GRB10: variants seen among roughly 807,000 people sequenced by gnomAD.
The protein encoded by GRB10 is growth factor receptor bound protein 10, also known as growth factor receptor-bound protein 10.
Under a neutral mutation model 80.9 loss-of-function variants are expected in GRB10, and 20 were observed. The ratio of observed to expected loss-of-function variants is 0.25; its 90% confidence interval spans 0.17 to 0.36. The LOEUF (loss-of-function observed/expected upper bound fraction) is 0.36. Ranked by LOEUF, GRB10 falls within the 10% of genes least tolerant of loss-of-function variation. The pLI, the probability that GRB10 is intolerant of heterozygous loss-of-function variation, is 1.00. For missense variants in GRB10, 548 were observed against 747.7 expected, an observed-to-expected ratio of 0.73 and a Z score of 3.12; for synonymous variants, 291 against 291.5, an observed-to-expected ratio of 1.00 and a Z score of 0.02.
chr7:50,668,326 G>C (rs1318435708), intron 7 of GRB10, among the ~76,000 whole-genome samples: 2 of 151,746 alleles, frequency 1.3e-5, no homozygotes, highest in Non-Finnish European at 2.9e-5. Context: ...AGGGAAGTGA[G>C]AGCAAGTAGG....
intron 16 of GRB10, 81 bp downstream of exon 16, chr7:50,604,230 C>T (rs544018533): frequency 1.5e-5 from 20 of 1,360,258 alleles, no homozygotes; most frequent in Middle Eastern, 1.9e-4. Context: ...CAGGCAAATT[C>T]GTAAGGCTGA....
chr7:50,603,963 G>A (rs1482142635), intron 17 of GRB10, 35 bp downstream of exon 17: 2 of 1,444,388 alleles, frequency 1.4e-6, no homozygotes, highest in Non-Finnish European at 2.0e-6. Flanking sequence ...TAAAACCTTA[G>A]CAGATGACAG....
chr7:50,741,838 T>C (rs1455686162), intron 3 of GRB10, among the ~76,000 whole-genome samples: 2 of 152,036 alleles, frequency 1.3e-5, no homozygotes, highest in African/African-American at 4.8e-5. Context: ...AAGCAAAGCA[T>C]GACAAAATTG....
intron 4 of GRB10, among the ~76,000 whole-genome samples, chr7:50,722,297 G>T (rs957649431): frequency 6.6e-6 from 1 of 152,184 alleles, no homozygotes; most frequent in Non-Finnish European, 1.5e-5. Flanking sequence ...GTCATTCCAA[G>T]ATCCAAAGCG....
At chr7:50,729,837 G>A (rs531892053) in intron 4 of GRB10, among the ~76,000 whole-genome samples, 9 of 151,008 alleles carry the variant, frequency 6.0e-5, no homozygotes, top group African/African-American at 1.9e-4. Context: ...TTCCATGTCT[G>A]TCTCCTCCAC....
intron 7 of GRB10, among the ~76,000 whole-genome samples, chr7:50,666,491 T>G (rs2059816287): frequency 6.6e-6 from 1 of 152,194 alleles, no homozygotes; most frequent in South Asian, 2.1e-4. Context: ...GGCACTGAGC[T>G]TGTATCTTAC....
chr7:50,733,063 G>A (rs2070160286), intron 3 of GRB10, among the ~76,000 whole-genome samples: 2 of 152,236 alleles, frequency 1.3e-5, no homozygotes, highest in African/African-American at 2.4e-5. Context: ...GAATGTGACT[G>A]TATTTGGAAG....
At chr7:50,713,237 G>T (rs1437835130) in intron 4 of GRB10, among the ~76,000 whole-genome samples, 1 of 152,026 alleles carries the variant, frequency 6.6e-6, no homozygotes, top group Non-Finnish European at 1.5e-5. Flanking sequence ...AATCTCAGCT[G>T]CTATTTTTAC....
At chr7:50,629,434 A>G (rs1373174797) in intron 7 of GRB10, among the ~76,000 whole-genome samples, 2 of 152,072 alleles carry the variant, frequency 1.3e-5, no homozygotes, top group Admixed American at 6.6e-5. Flanking sequence ...GGCTGGCGAG[A>G]CCCTGAGGGG....
At chr7:50,626,704 T>G in intron 8 of GRB10, 118 bp downstream of exon 8, 1 of 1,137,336 alleles carries the variant, frequency 8.8e-7, no homozygotes, top group Non-Finnish European at 1.3e-6. Flanking sequence ...ACCCAGAGAC[T>G]GCCTGCTAAT....
At chr7:50,674,363 C>G (rs1563388536) in intron 6 of GRB10, 73 bp downstream of exon 6, 4 of 1,429,736 alleles carry the variant, frequency 2.8e-6, no homozygotes, top group Non-Finnish European at 3.9e-6. Context: ...CACCATTTAA[C>G]TCACAGAGAG....
chr7:50,770,153 G>T (rs374048410), intron 2 of GRB10, among the ~76,000 whole-genome samples: 4 of 152,322 alleles, frequency 2.6e-5, no homozygotes, highest in African/African-American at 9.6e-5. Flanking sequence ...TCAGGCGACT[G>T]AAGCTAATCA....
At chr7:50,774,726 A>G (rs2153710780) in intron 2 of GRB10, among the ~76,000 whole-genome samples, 1 of 152,318 alleles carries the variant, frequency 6.6e-6, no homozygotes, top group Non-Finnish European at 1.5e-5. Context: ...CACATACAAA[A>G]TACATTCATT....
intron 13 of GRB10, 186 bp from the exon 14 acceptor site, chr7:50,606,600 G>A (rs1444195929): frequency 1.6e-6 from 1 of 617,216 alleles, no homozygotes; most frequent in Non-Finnish European, 2.9e-6. Context: ...GACGCCCCTT[G>A]AAATAAAAAA....
chr7:50,674,444 G>A lies in GRB10; in HGVS notation c.354C>T (p.Leu118=), dbSNP rs752056748. 2.0e-4 allele frequency: 316 copies of A among 1,604,524 alleles called. 1 individual carries two copies. Among genetic ancestry groups the A allele is most frequent in the Non-Finnish European group, 2.5e-4 (297 of 1,179,956 alleles). ...ATAAGGCCTGGACCTACCTGACAGC[G>A]AGGATGTGCACAGGCTGGGAGCGCT... The part of the protein sequence containing the change: ...RVQRSQPVHI[L]AVRRLQEEDQ... The change falls in exon 6 of 19, where the codon CTC becomes CTT. Residue 118 remains leucine, a synonymous_variant. Transcript: ENST00000401949.
intron 8 of GRB10, among the ~76,000 whole-genome samples, chr7:50,625,770 G>A (rs2052764226): frequency 6.6e-6 from 1 of 152,182 alleles, no homozygotes; most frequent in African/African-American, 2.4e-5. Context: ...AAAGTACAGG[G>A]CGCATTAGAA....
At chr7:50,597,617 G>T (rs2046892655) in intron 17 of GRB10, among the ~76,000 whole-genome samples, 1 of 152,264 alleles carries the variant, frequency 6.6e-6, no homozygotes, top group South Asian at 2.1e-4. Flanking sequence ...CATGGCCCAG[G>T]CCTGTTTACC....
intron 7 of GRB10, among the ~76,000 whole-genome samples, chr7:50,634,589 G>A (rs927333217): frequency 6.6e-6 from 1 of 152,052 alleles, no homozygotes; most frequent in African/African-American, 2.4e-5. Flanking sequence ...TAAAAGACAT[G>A]GACTGGCAAA....
In GRB10 at chr7:50,604,031, T is replaced by C; in HGVS notation, c.1511A>G (p.His504Arg). Residue 504 changes from histidine (H) to arginine (R), a missense_variant, in exon 17 of 19, where the codon CAC becomes CGC. Physicochemically the swap from His to Arg is conservative, Grantham distance 29. Around this residue, in one of 4 missense-constraint regions of GRB10, gnomAD observed 270 missense variants for 433.6 expected, o/e 0.62. Coordinates refer to ENST00000401949, the MANE Select transcript of GRB10 (RefSeq NM_001350814.2). ...FHGRISREES[H>R]RIIKQQGLVD... Reference sequence around the variant, plus strand: ...GAGCCCTTGCTGTTTAATGATCCTGTGGGATTCCTCCCTGGAGATCCTCCC... The same window carrying C: ...GAGCCCTTGCTGTTTAATGATCCTGCGGGATTCCTCCCTGGAGATCCTCCC... 6.2e-7 allele frequency: 1 copy of C among 1,614,118 alleles called. No individual in the cohort carries two copies. The highest frequency in any genetic ancestry group is 8.5e-7 in the Non-Finnish European group (1 of 1,179,928).
Sources: gnomAD v4.1 joint callset for allele counts (sites outside exome capture counted in the v4.1 genomes callset) on GRCh38, gnomAD v4.1.1 for gene constraint, gnomAD v4.1.1 regional missense constraint, MANE v1.5 for transcripts, NCBI Gene and HGNC (gene_info 2026-07-23, HGNC 2026-07-21) for gene names.